Variants in CHN1 observed in about 807,000 individuals in gnomAD.
CHN1 encodes the protein N-chimaerin.
CHN1 carries 37 observed loss-of-function variants against 59.5 expected under a neutral mutation model. The ratio of observed to expected loss-of-function variants is 0.62; its 90% CI spans 0.48 to 0.82. The LOEUF (loss-of-function observed/expected upper bound fraction) is 0.82. Ranked by LOEUF, CHN1 falls within the 40% of genes least tolerant of loss-of-function variation. The pLI is 0.00. For missense variants in CHN1, 469 were observed against 571.0 expected (o/e 0.82, Z 1.82); for synonymous variants, 206 against 200.4 (o/e 1.03, Z -0.24).
At chr2:174,805,057 G>C (rs1049793595) in intron 11 of CHN1, among the ~76,000 whole-genome samples, 1 of 152,192 alleles carries the variant, frequency 6.6e-6, no homozygotes. Flanking sequence ...GAGAGAAATA[G>C]ACAAAATGGA....
chr2:174,892,148 G>A (rs1314735489), intron 5 of CHN1, among the ~76,000 whole-genome samples: 2 of 152,176 alleles, frequency 1.3e-5, no homozygotes, highest in Non-Finnish European at 2.9e-5. Context: ...GATGGCTTCA[G>A]TGAAAAACTC....
chr2:174,945,125 G>A, intron 2 of CHN1, 182 bp from the exon 3 acceptor site: 1 of 536,026 alleles, frequency 1.9e-6, no homozygotes, highest in Non-Finnish European at 3.4e-6. Flanking sequence ...AAGCCCAGGA[G>A]CAATTCAAAC....
At chr2:174,976,702 T>C (rs1038013755) in intron 1 of CHN1, among the ~76,000 whole-genome samples, 1 of 152,236 alleles carries the variant, frequency 6.6e-6, no homozygotes, top group African/African-American at 2.4e-5. Context: ...CATAATTTTG[T>C]TGAAGAAAAG....
At chr2:174,924,749 CA>C (rs1229439721) in intron 3 of CHN1, among the ~76,000 whole-genome samples, 2 of 152,120 alleles carry the variant, frequency 1.3e-5, no homozygotes, top group Non-Finnish European at 2.9e-5. Flanking sequence ...AGTTTACTTG[CA>C]AATACATCAA....
intron 1 of CHN1, among the ~76,000 whole-genome samples, chr2:174,954,316 T>C (rs1026170493): frequency 2.0e-5 from 3 of 152,110 alleles, no homozygotes; most frequent in Non-Finnish European, 4.4e-5. Context: ...AAGACTTAAA[T>C]TTAAGACCTG....
intron 6 of CHN1, among the ~76,000 whole-genome samples, chr2:174,862,356 C>T (rs1290560443): frequency 1.3e-4 from 19 of 147,630 alleles, no homozygotes; most frequent in South Asian, 6.4e-4. Context: ...TTTTTTGAGA[C>T]GGAGTCTTGC....
chr2:174,910,314 G>A (rs1436895502), intron 5 of CHN1, among the ~76,000 whole-genome samples: 1 of 152,100 alleles, frequency 6.6e-6, no homozygotes, highest in Non-Finnish European at 1.5e-5. Flanking sequence ...AACATTGACA[G>A]ACAGCCCACT....
At chr2:174,965,322 T>C (rs1400304009) in intron 1 of CHN1, among the ~76,000 whole-genome samples, 1 of 152,124 alleles carries the variant, frequency 6.6e-6, no homozygotes, top group African/African-American at 2.4e-5. Flanking sequence ...TTTGTATCAT[T>C]ATATAATCTA....
chr2:174,871,162 G>A (rs1687393215), intron 6 of CHN1, among the ~76,000 whole-genome samples: 1 of 144,206 alleles, frequency 6.9e-6, no homozygotes, highest in South Asian at 2.2e-4. Context: ...TGATGGCCAT[G>A]AGCTTGGTCA....
chr2:174,812,972 T>A (rs536843435), intron 8 of CHN1, among the ~76,000 whole-genome samples: 1 of 152,312 alleles, frequency 6.6e-6, no homozygotes, highest in South Asian at 2.1e-4. Context: ...TCTATATATA[T>A]GATAACTAAT....
chr2:174,814,942 T>A (rs938767127), intron 8 of CHN1, among the ~76,000 whole-genome samples: 1 of 152,182 alleles, frequency 6.6e-6, no homozygotes, highest in African/African-American at 2.4e-5. Flanking sequence ...TTCACCATAT[T>A]TGGGGAGTTT....
chr2:174,988,806 G>A (rs1691438768), intron 1 of CHN1, among the ~76,000 whole-genome samples: 1 of 152,110 alleles, frequency 6.6e-6, no homozygotes, highest in Non-Finnish European at 1.5e-5. Context: ...TTGAAAGAAG[G>A]TGTATATTGC....
At chr2:174,821,091 C>G (rs190497929) in intron 8 of CHN1, among the ~76,000 whole-genome samples, 1 of 152,148 alleles carries the variant, frequency 6.6e-6, no homozygotes, top group Non-Finnish European at 1.5e-5. Flanking sequence ...GCTGCTATAA[C>G]AAATTATTAA....
intron 6 of CHN1, among the ~76,000 whole-genome samples, chr2:174,874,050 T>C (rs528400466): frequency 3.9e-5 from 6 of 152,298 alleles, no homozygotes; most frequent in Admixed American, 3.3e-4. Flanking sequence ...GCTTCAGAAA[T>C]GCAAATTATA....
chr2:174,822,639 T>C (rs1685538313), intron 8 of CHN1, among the ~76,000 whole-genome samples: 1 of 152,226 alleles, frequency 6.6e-6, no homozygotes, highest in South Asian at 2.1e-4. Flanking sequence ...ATTGAGACCA[T>C]TGTTCTCGAG....
intron 3 of CHN1, among the ~76,000 whole-genome samples, chr2:174,931,376 A>C (rs1689344062): frequency 6.6e-6 from 1 of 152,194 alleles, no homozygotes; most frequent in African/African-American, 2.4e-5. Flanking sequence ...GCCAAACTCT[A>C]ATTTCAATTA....
Position 174,838,912 on chromosome 2 carries a change from G to A in CHN1, c.627+7968C>T, listed in dbSNP as rs565663049. Among the ~76,000 whole-genome samples, 10 of 152,076 alleles carry A rather than the reference G, an allele frequency of 6.6e-5. No individual in the cohort carries two copies. In the South Asian group the frequency reaches 2.1e-3, roughly 32 times the overall value. On this transcript the variant is annotated intron_variant, in intron 7 of 12. Transcript: ENST00000409900. The stretch of plus-strand genomic sequence containing the variant: ...GGCACCTGTAATCCCAGCTACTAGG[G>A]AGGCTGAGACAGGAGAATAGCTTGA...
At chr2:174,959,665 TA>T (rs772539606) in intron 1 of CHN1, among the ~76,000 whole-genome samples, 25 of 152,112 alleles carry the variant, frequency 1.6e-4, no homozygotes, top group Non-Finnish European at 2.5e-4. Context: ...ATTCCTGAAA[TA>T]AAATGGCCTT....
At chr2:174,812,887 G>A (rs973276100) in intron 8 of CHN1, among the ~76,000 whole-genome samples, 10 of 152,124 alleles carry the variant, frequency 6.6e-5, no homozygotes. Flanking sequence ...AAGCGGAATT[G>A]GACCTCCAAA....
Sources: gnomAD v4.1 joint callset for allele counts (sites outside exome capture counted in the v4.1 genomes callset) on GRCh38, gnomAD v4.1.1 for gene constraint, MANE v1.5 for transcripts, NCBI Gene and HGNC (gene_info 2026-07-23, HGNC 2026-07-21) for gene names.